Variants in SLC15A2 observed in about 807,000 individuals in gnomAD.
SLC15A2 encodes solute carrier family 15 member 2, also known as kidney H(+)/peptide cotransporter.
In SLC15A2, 77 loss-of-function variants were observed where a neutral mutation model predicts 95.5. The ratio of observed to expected loss-of-function variants is 0.81; its 90% CI spans 0.67 to 0.97. The LOEUF (loss-of-function observed/expected upper bound fraction) is 0.97, where lower values mean the gene tolerates loss of function less well. SLC15A2 is among the 50% of genes least tolerant of loss of function. The pLI is 0.00. For synonymous variants in SLC15A2, 306 were observed against 306.9 expected (o/e 1.00, Z 0.03); for missense variants, 893 against 874.4 (o/e 1.02, Z -0.27).
At chr3:121,921,766 G>A (rs1352464046) in intron 7 of SLC15A2, among the ~76,000 whole-genome samples, 1 of 152,158 alleles carries the variant, frequency 6.6e-6, no homozygotes, top group Non-Finnish European at 1.5e-5. Flanking sequence ...AAGTTGTGAA[G>A]TCCTGAACAA....
Position 121,911,719 on chromosome 3 carries a change from A to C in SLC15A2, c.428+53A>C, listed in dbSNP as rs1709771446. ...CTACTTTTCTCAGACATTTGTTACA[A>C]ATTATTTTCTGTTTTCTTACCAGAG... On this transcript the variant is annotated intron_variant, in intron 4 of 21. Transcript: ENST00000489711. The C allele has an allele frequency of 2.5e-6, 3 of 1,182,154 alleles. No individual in the cohort carries two copies. In the African/African-American group the frequency reaches 4.5e-5, roughly 18 times the overall value. 73.2% of individuals were successfully genotyped at this position (1,182,154 alleles called of 1,614,324 possible).
intron 20 of SLC15A2, 118 bp downstream of exon 20, chr3:121,939,613 A>G (rs960098605): frequency 1.3e-5 from 10 of 787,720 alleles, no homozygotes; most frequent in Admixed American, 9.5e-5. Flanking sequence ...TACCTTATTT[A>G]TGACCCTGAA....
At chr3:121,902,021 T>TAA (rs1709530555) in intron 3 of SLC15A2, among the ~76,000 whole-genome samples, 1 of 152,166 alleles carries the variant, frequency 6.6e-6, no homozygotes, top group Non-Finnish European at 1.5e-5. Context: ...GAATAATAGA[T>TAA]ATGTTAAGAG....
chr3:121,933,907 A>G (rs1159252014), intron 19 of SLC15A2, among the ~76,000 whole-genome samples: 4 of 150,544 alleles, frequency 2.7e-5, no homozygotes, highest in Non-Finnish European at 5.9e-5. Context: ...TCTAACGTTT[A>G]AGTCTTTAAT....
Position 121,939,373 on chromosome 3 carries a change from T to A in SLC15A2, c.1786T>A (p.Trp596Arg). The A allele has an allele frequency of 1.9e-6, 3 of 1,564,250 alleles. No homozygotes were observed. The highest frequency in any genetic ancestry group is 2.6e-6 in the Non-Finnish European group (3 of 1,156,416). The change falls in exon 20 of 22, where the codon TGG becomes AGG. Residue 596 changes from tryptophan (W) to arginine (R), a missense_variant. Trp to Arg is a moderately radical substitution (Grantham distance 101). Transcript: ENST00000489711. Reference protein sequence around the residue: ...TNNTNQGLQAWKIEDIPANKM... With the variant: ...TNNTNQGLQARKIEDIPANKM... ...GAACACCAATCAGGGTCTTCAGGCCTGGAAGATTGAAGACATTCCAGCCAA... is the reference window on the plus strand; with the variant it reads ...GAACACCAATCAGGGTCTTCAGGCCAGGAAGATTGAAGACATTCCAGCCAA...
intron 6 of SLC15A2, 75 bp downstream of exon 6, chr3:121,915,392 G>A: frequency 1.0e-6 from 1 of 981,682 alleles, no homozygotes; most frequent in Non-Finnish European, 1.6e-6. Flanking sequence ...GCTTTCTCCT[G>A]TCTATCATCT....
intron 11 of SLC15A2, among the ~76,000 whole-genome samples, chr3:121,923,879 C>T (rs986033679): frequency 2.6e-5 from 4 of 152,092 alleles, no homozygotes; most frequent in African/African-American, 9.7e-5. Context: ...CTATTTGGAG[C>T]CTGCAAAATA....
intron 4 of SLC15A2, among the ~76,000 whole-genome samples, chr3:121,912,283 G>C (rs1343425114): frequency 6.6e-6 from 1 of 152,158 alleles, no homozygotes; most frequent in Non-Finnish European, 1.5e-5. Context: ...GCCCAGGCTG[G>C]AGTGCAGTGG....
At position 121,930,405 on chromosome 3, in the gene SLC15A2, A is replaced by G. The variant is rs576227070; in HGVS notation, c.1554-435A>G. ...TGGACTTCATTTATAAGAGGATAAG[A>G]TATCAGTTTTATGTAAATACTATCA... is the stretch of plus-strand genomic sequence containing the variant. On this transcript the variant is annotated intron_variant, in intron 17 of 21. Coordinates refer to ENST00000489711, the MANE Select transcript of SLC15A2 (RefSeq NM_021082.4). 6.6e-5 allele frequency among the ~76,000 whole-genome samples: 10 copies of G among 152,342 alleles called. No homozygotes were observed. The South Asian group carries it at 1.9e-3, about 28-fold the overall frequency.
At chr3:121,918,837 G>A (rs1709948020) in intron 7 of SLC15A2, among the ~76,000 whole-genome samples, 1 of 152,220 alleles carries the variant, frequency 6.6e-6, no homozygotes, top group South Asian at 2.1e-4. Flanking sequence ...GTAAATGGTG[G>A]AGGCTGAAGA....
intron 20 of SLC15A2, 73 bp from the exon 21 acceptor site, chr3:121,940,311 A>G: frequency 9.1e-7 from 1 of 1,103,718 alleles, no homozygotes; most frequent in South Asian, 1.3e-5. Flanking sequence ...TTTGTGGGAG[A>G]AGTTTCCTGG....
chr3:121,922,071 C>T (rs1710016339), intron 7 of SLC15A2, 149 bp from the exon 8 acceptor site: 1 of 596,186 alleles, frequency 1.7e-6, no homozygotes, highest in Admixed American at 3.0e-5. Context: ...AGCATTCTGT[C>T]CTTAGCGCTG....
chr3:121,924,884 A>T (rs1010674813), intron 12 of SLC15A2, 61 bp from the exon 13 acceptor site: 2 of 1,139,422 alleles, frequency 1.8e-6, no homozygotes, highest in Non-Finnish European at 2.7e-6. Flanking sequence ...AAATGAGTGC[A>T]GTGCTCACAC....
chr3:121,896,332 A>G, intron 1 of SLC15A2, 74 bp from the exon 2 acceptor site: 2 of 1,168,904 alleles, frequency 1.7e-6, no homozygotes, highest in Non-Finnish European at 2.6e-6. Flanking sequence ...TGAATTTTTC[A>G]GTTTTGAAGA....
At chr3:121,932,068 T>G (rs1439910339) in intron 19 of SLC15A2, among the ~76,000 whole-genome samples, 2 of 152,072 alleles carry the variant, frequency 1.3e-5, no homozygotes, top group Non-Finnish European at 2.9e-5. Context: ...CATGCCCAGC[T>G]AATTTTTGTA....
chr3:121,942,391 A>G lies in SLC15A2; in HGVS notation c.*1384A>G, dbSNP rs1340443244. The G allele has an allele frequency of 6.6e-6, 1 of 152,212 alleles. No individual in the cohort carries two copies. The highest frequency in any genetic ancestry group is 2.4e-5 in the African/African-American group (1 of 41,460). 9.4% of individuals were successfully genotyped at this position (152,212 alleles called of 1,614,324 possible). ...AGAGCTTCATTTCCATTGGTTTTAA[A>G]ACATTATTCTCATGTAGAACAGTGT... On this transcript the variant is annotated 3_prime_UTR_variant, in exon 22 of 22. Transcript: ENST00000489711.
At chr3:121,899,427 CAG>C (rs1298981749) in intron 3 of SLC15A2, among the ~76,000 whole-genome samples, 2 of 151,764 alleles carry the variant, frequency 1.3e-5, no homozygotes, top group Admixed American at 6.5e-5. Flanking sequence ...CCCAGAGAAC[CAG>C]AGTCTTTTCC....
At position 121,942,577 on chromosome 3, in the gene SLC15A2, G is replaced by A. The variant is rs1048866331; in HGVS notation, c.*1570G>A. ...AATGACAAGCATTTCAGAAATATAA[G>A]AGCGGCAGCCAGACCAACCAGTTTT... is the stretch of plus-strand genomic sequence containing the variant. On this transcript the variant is annotated 3_prime_UTR_variant, in exon 22 of 22. Coordinates refer to ENST00000489711, the MANE Select transcript of SLC15A2 (RefSeq NM_021082.4). The A allele has an allele frequency of 6.6e-6, 1 of 152,154 alleles. No individual in the cohort carries two copies. The highest frequency in any genetic ancestry group is 1.5e-5 in the Non-Finnish European group (1 of 68,014). 9.4% of individuals were successfully genotyped at this position (152,154 alleles called of 1,614,324 possible).
intron 6 of SLC15A2, 146 bp downstream of exon 6, chr3:121,915,463 AAAG>A (rs753413532): frequency 1.1e-4 from 91 of 797,658 alleles, no homozygotes; most frequent in Middle Eastern, 2.3e-4. Flanking sequence ...GTCTGGCCCA[AAAG>A]AAGAACTATG....
Sources: allele counts gnomAD v4.1 joint callset (sites outside exome capture counted in the v4.1 genomes callset), GRCh38; gene constraint gnomAD v4.1.1; transcripts MANE v1.5; gene names NCBI Gene and HGNC (gene_info 2026-07-23, HGNC 2026-07-21).